KRT86: variants seen among roughly 807,000 people sequenced by gnomAD.
KRT86 encodes keratin 86, also known as keratin, type II cuticular Hb6.
A neutral mutation model predicts 41.2 loss-of-function variants in KRT86; 30 were observed. That is an observed-to-expected ratio of 0.73 (90% CI 0.54 to 0.99). The LOEUF is 0.99. KRT86 is among the 50% of genes least tolerant of loss of function. The probability of loss-of-function intolerance (pLI) is 0.00; values close to 1 mark genes in which losing one functional copy is unlikely to be tolerated. For synonymous variants in KRT86, 238 were observed against 238.1 expected (o/e 1.00, Z 0.00); for missense variants, 561 against 571.4 (o/e 0.98, Z 0.19).
At chr12:52,300,977 T>C (rs1938358999) in intron 2 of KRT86, among the ~76,000 whole-genome samples, 1 of 152,162 alleles carries the variant, frequency 6.6e-6, no homozygotes, top group Non-Finnish European at 1.5e-5. Context: ...TGGGACACTC[T>C]GAGGGAGGGA....
Position 52,297,341 on chromosome 12 carries a change from G to C in KRT86, c.-4-4572G>C, listed in dbSNP as rs540680099. ...ATTTGGATATGCTCTACCAGACTGG[G>C]AGCTCCAGAACCCATGTTTCCTTCC... On this transcript the variant is annotated intron_variant, in intron 2 of 10. Coordinates refer to ENST00000423955, the MANE Select transcript of KRT86 (RefSeq NM_001320198.2). Among the ~76,000 whole-genome samples, 5 of 152,264 alleles carry C rather than the reference G, an allele frequency of 3.3e-5. No individual in the cohort carries two copies. In the South Asian group the frequency reaches 1.0e-3, roughly 32 times the overall value.
chr12:52,281,982 C>A (rs1233046833), intron 2 of KRT86, among the ~76,000 whole-genome samples: 1 of 152,160 alleles, frequency 6.6e-6, no homozygotes, highest in African/African-American at 2.4e-5. Context: ...CTCAAGCAAT[C>A]CTCCTGCCTC....
At chr12:52,287,098 C>G in intron 2 of KRT86, 1 of 1,612,846 alleles carries the variant, frequency 6.2e-7, no homozygotes, top group Non-Finnish European at 8.5e-7. Flanking sequence ...TTGGTTGGAC[C>G]CACCTCTGCT....
At chr12:52,287,030 A>G in intron 2 of KRT86, 1 of 1,611,400 alleles carries the variant, frequency 6.2e-7, no homozygotes, top group Non-Finnish European at 8.5e-7. Context: ...GCCATTGCTC[A>G]GCCAAGGCCA....
At position 52,306,026 on chromosome 12, in the gene KRT86, C is replaced by T. The variant is rs537280839; in HGVS notation, c.1027-34C>T. ...GGTAAGCATCAGAGAGACCCAGGGA[C>T]TCTAATCTACCTTGTTCTCTCTGTT... On this transcript the variant is annotated intron_variant, in intron 8 of 10. Coordinates refer to ENST00000423955, the MANE Select transcript of KRT86 (RefSeq NM_001320198.2). 9.9e-6 allele frequency: 16 copies of T among 1,612,582 alleles called. No homozygotes were observed. In the African/African-American group the frequency reaches 2.0e-4, roughly 20 times the overall value.
chr12:52,295,456 T>C (rs1412351336), intron 2 of KRT86, among the ~76,000 whole-genome samples: 1 of 152,178 alleles, frequency 6.6e-6, no homozygotes, highest in Non-Finnish European at 1.5e-5. Context: ...CTGTACACCA[T>C]CGGCCATCAG....
chr12:52,287,378 C>A, intron 2 of KRT86: 1 of 1,603,892 alleles, frequency 6.2e-7, no homozygotes, highest in Non-Finnish European at 8.5e-7. Flanking sequence ...CTCTGATGCT[C>A]ATCCAAATGA....
intron 2 of KRT86, chr12:52,286,674 T>C (rs376358397): frequency 6.3e-6 from 8 of 1,261,092 alleles, no homozygotes; most frequent in Non-Finnish European, 1.1e-6. Flanking sequence ...AAATCCCTCC[T>C]GTTGTGATGC....
chr12:52,293,079 A>G (rs766409925), intron 2 of KRT86, among the ~76,000 whole-genome samples: 2 of 152,214 alleles, frequency 1.3e-5, no homozygotes, highest in African/African-American at 2.4e-5. Context: ...GCTTGAACCC[A>G]GGAGATGGAG....
At chr12:52,278,746 C>T (rs1478767062) in intron 2 of KRT86, among the ~76,000 whole-genome samples, 1 of 152,088 alleles carries the variant, frequency 6.6e-6, no homozygotes, top group Admixed American at 6.5e-5. Flanking sequence ...TCCTTATTCC[C>T]TCCTTCCCCG....
Position 52,301,932 on chromosome 12 carries a change from T to C in KRT86, c.16T>C (p.Tyr6His), listed in dbSNP as rs117662922. The C allele has an allele frequency of 8.7e-5, 141 of 1,613,812 alleles. No homozygotes were observed. The highest frequency in any genetic ancestry group is 1.2e-4 in the Non-Finnish European group (137 of 1,179,774). The change falls in exon 3 of 11, where the codon TAC (tyrosine) becomes CAC (histidine). Residue 6 changes from tyrosine to histidine, a missense_variant. Physicochemically the swap from Tyr to His is moderately conservative, Grantham distance 83 (BLOSUM62 2). Coordinates refer to ENST00000423955, the MANE Select transcript of KRT86 (RefSeq NM_001320198.2). MTCGS[Y>H]CGGRAFSCIS... ...AAAAAGCACCATGACTTGTGGATCTTACTGTGGTGGCCGCGCCTTCAGCTG... is the reference window on the plus strand; with the variant it reads ...AAAAAGCACCATGACTTGTGGATCTCACTGTGGTGGCCGCGCCTTCAGCTG...
chr12:52,279,637 C>G (rs1017326097), intron 2 of KRT86, among the ~76,000 whole-genome samples: 6 of 152,146 alleles, frequency 3.9e-5, no homozygotes, highest in African/African-American at 9.7e-5. Context: ...AGAACAGTAC[C>G]AGGAAGCAAC....
chr12:52,281,865 A>G (rs1250301763), intron 2 of KRT86, among the ~76,000 whole-genome samples: 4 of 152,082 alleles, frequency 2.6e-5, no homozygotes, highest in Non-Finnish European at 5.9e-5. Flanking sequence ...CAACCTCCTC[A>G]GTAGCTGGGA....
At chr12:52,276,378 G>A (rs1164943788) in intron 2 of KRT86, among the ~76,000 whole-genome samples, 1 of 152,140 alleles carries the variant, frequency 6.6e-6, no homozygotes, top group Non-Finnish European at 1.5e-5. Flanking sequence ...GCAACATTTG[G>A]CTAGAGGAGA....
In KRT86 at chr12:52,287,010, C is replaced by T. The variant is rs570237300; in HGVS notation, c.-5+11064C>T. On this transcript the variant is annotated intron_variant, in intron 2 of 10. Transcript: ENST00000423955. Reference sequence around the variant, plus strand: ...AGTGAATAATAATATTTTTTTCCCCCAGAGCCCTGGCCATTGCTCAGCCAA... The same window carrying T: ...AGTGAATAATAATATTTTTTTCCCCTAGAGCCCTGGCCATTGCTCAGCCAA... 3.2e-4 allele frequency: 517 copies of T among 1,606,914 alleles called. 2 individuals are homozygous for T. In the African/African-American group the frequency reaches 5.9e-3, roughly 18 times the overall value.
intron 3 of KRT86, among the ~76,000 whole-genome samples, chr12:52,302,850 G>GGT (rs1429755968): frequency 6.9e-6 from 1 of 144,546 alleles, no homozygotes; most frequent in African/African-American, 2.5e-5. Flanking sequence ...GTGGGGGGGG[G>GGT]GTCACTCAAC....
rs771887361 is a variant in KRT86 at position 52,305,421 on chromosome 12, A to C, written c.900+17A>C. ...CGCAGCAAGGTGAGTGGCACAGGACACCTGCCTGCTAGACATGGCAGTGGG... is the reference window on the plus strand; with the variant it reads ...CGCAGCAAGGTGAGTGGCACAGGACCCCTGCCTGCTAGACATGGCAGTGGG... On this transcript the variant is annotated intron_variant, in intron 7 of 10. Coordinates refer to ENST00000423955, the MANE Select transcript of KRT86 (RefSeq NM_001320198.2). 1.2e-6 allele frequency: 2 copies of C among 1,614,208 alleles called. No homozygotes were observed. The highest frequency in any genetic ancestry group is 2.2e-5 in the South Asian group (2 of 91,084).
intron 2 of KRT86, chr12:52,287,248 C>G: frequency 6.2e-7 from 1 of 1,614,086 alleles, no homozygotes; most frequent in South Asian, 1.1e-5. Flanking sequence ...GCTCGGCCAG[C>G]TTGCAGCGGG....
Position 52,274,694 on chromosome 12 carries a change from T to C in KRT86, c.-159T>C. 1 of 985,402 alleles carries C rather than the reference T, an allele frequency of 1.0e-6. No individual in the cohort carries two copies. Among genetic ancestry groups the C allele is most frequent in the Non-Finnish European group, 1.2e-6 (1 of 829,938 alleles). The allele number at this position is 985,402 out of a possible 1,614,324, so 61.0% of individuals were successfully genotyped here. A position where few individuals can be genotyped will look rare whatever the true frequency, so the allele number is the denominator to read the frequency against. On this transcript the variant is annotated 5_prime_UTR_variant, in exon 1 of 11. Transcript: ENST00000423955. The stretch of plus-strand genomic sequence containing the variant: ...CTGGGCTTTGGTGCTCAAGAGAGGC[T>C]TGGAGGAGACCACAGTTCTTTCTCC...
Sources: gnomAD v4.1 joint callset for allele counts (sites outside exome capture counted in the v4.1 genomes callset) on GRCh38, gnomAD v4.1.1 for gene constraint, MANE v1.5 for transcripts, NCBI Gene and HGNC (gene_info 2026-07-23, HGNC 2026-07-21) for gene names.